The following EDEM1 variants were observed in gnomAD, a reference collection of about 807,000 sequenced individuals.
The protein encoded by EDEM1 is ER degradation-enhancing alpha-mannosidase-like protein 1.
EDEM1 carries 67 observed loss-of-function variants against 74.4 expected under a neutral mutation model. That is an observed-to-expected ratio of 0.90 (90% CI 0.74 to 1.10). The LOEUF is 1.10. EDEM1 is among the 50% of genes least tolerant of loss of function. The probability of loss-of-function intolerance (pLI) is 0.00; values close to 1 mark genes in which losing one functional copy is unlikely to be tolerated. For missense variants in EDEM1, 926 were observed against 851.6 expected (o/e 1.09, Z -1.09); for synonymous variants, 382 against 335.9 (o/e 1.14, Z -1.50).
In EDEM1 at chr3:5,187,930, G is replaced by C. The variant is rs931285966; in HGVS notation, c.125G>C (p.Gly42Ala). Residue 42 changes from glycine to alanine, a missense_variant, in exon 1 of 12, where the codon GGC (glycine) becomes GCC (alanine). By Grantham distance (60) the Gly-to-Ala change is moderately conservative (BLOSUM62 0). Transcript: ENST00000256497. ...GFYQRFPLSF[G>A]FQRLRSPDGP... ...TACCAGCGCTTTCCGCTCAGCTTCG[G>C]CTTCCAGCGTCTGAGGAGCCCCGAC... 5.7e-6 allele frequency: 9 copies of C among 1,589,364 alleles called. No homozygotes were observed. Among genetic ancestry groups the C allele is most frequent in the Admixed American group, 5.2e-5 (3 of 57,198 alleles).
chr3:5,197,985 G>A (rs1386344842), intron 2 of EDEM1, among the ~76,000 whole-genome samples: 2 of 152,172 alleles, frequency 1.3e-5, no homozygotes, highest in Non-Finnish European at 2.9e-5. Context: ...TGAAGTGCTG[G>A]GGGTGGGGTG....
intron 2 of EDEM1, among the ~76,000 whole-genome samples, chr3:5,197,060 C>T (rs1356500885): frequency 8.3e-6 from 1 of 119,800 alleles, no homozygotes; most frequent in Non-Finnish European, 1.7e-5. Flanking sequence ...TCCCGAGTAG[C>T]TGGCTTTTTT....
chr3:5,201,470 C>G (rs1299322691), intron 3 of EDEM1, among the ~76,000 whole-genome samples: 2 of 152,068 alleles, frequency 1.3e-5, no homozygotes, highest in Non-Finnish European at 2.9e-5. Flanking sequence ...TCTTAATGCC[C>G]TAAGATTTAG....
chr3:5,207,905 A>G lies in EDEM1; in HGVS notation c.1339-188A>G, dbSNP rs151009729. ...TGTGTGCAGCTCACATCAATTTGGCATTAGTGGCCAGATAGGGAGGGCATT... is the reference window on the plus strand; with the variant it reads ...TGTGTGCAGCTCACATCAATTTGGCGTTAGTGGCCAGATAGGGAGGGCATT... On this transcript the variant is annotated intron_variant, in intron 7 of 11. Coordinates refer to ENST00000256497, the MANE Select transcript of EDEM1 (RefSeq NM_014674.3). 3.6e-3 allele frequency among the ~76,000 whole-genome samples: 542 copies of G among 152,272 alleles called. 5 individuals carry two copies. Among genetic ancestry groups the G allele is most frequent in the Middle Eastern group, 0.024 (7 of 294 alleles).
intron 6 of EDEM1, 80 bp from the exon 7 acceptor site, chr3:5,207,073 A>G: frequency 6.4e-7 from 1 of 1,555,138 alleles, no homozygotes; most frequent in Non-Finnish European, 8.7e-7. Flanking sequence ...TTTAAATGAA[A>G]CTACCAGCAG....
chr3:5,195,561 A>G (rs959147551), intron 2 of EDEM1, among the ~76,000 whole-genome samples: 15 of 152,208 alleles, frequency 9.9e-5, no homozygotes, highest in African/African-American at 3.1e-4. Context: ...TTATTCCCTA[A>G]AAGAACCCAT....
chr3:5,209,490 C>T (rs1405915773), intron 8 of EDEM1, among the ~76,000 whole-genome samples: 2 of 152,306 alleles, frequency 1.3e-5, no homozygotes, highest in East Asian at 3.9e-4. Context: ...CGAAGCCACA[C>T]CCTGTGCACT....
At position 5,205,215 on chromosome 3, in the gene EDEM1, G is replaced by A. The variant is rs752321563; in HGVS notation, c.1191G>A (p.Gln397=). The A allele has an allele frequency of 2.5e-6, 4 of 1,614,102 alleles. No homozygotes were observed. Among genetic ancestry groups the A allele is most frequent in the Non-Finnish European group, 3.4e-6 (4 of 1,179,982 alleles). Residue 397 remains glutamine, a synonymous_variant, in exon 6 of 12, where the codon CAG becomes CAA. Coordinates refer to ENST00000256497, the MANE Select transcript of EDEM1 (RefSeq NM_014674.3). ...EDLEMFNAAY[Q]SIQNYLRRGR... is the part of the protein sequence containing the mutation. ...TAGAAATGTTTAATGCTGCATATCA[G>A]AGTATTCAGAACTACTTAAGAAGAG... is the stretch of plus-strand genomic sequence containing the variant.
intron 2 of EDEM1, among the ~76,000 whole-genome samples, chr3:5,197,004 C>T (rs1403694461): frequency 6.7e-6 from 1 of 148,940 alleles, no homozygotes; most frequent in Non-Finnish European, 1.5e-5. Flanking sequence ...TCTTGGCTCA[C>T]TTCAACCTTC....
intron 1 of EDEM1, among the ~76,000 whole-genome samples, chr3:5,192,639 A>G (rs1271906616): frequency 6.6e-6 from 1 of 152,236 alleles, no homozygotes; most frequent in Non-Finnish European, 1.5e-5. Context: ...TGACAAGAAT[A>G]TCTACAAAGA....
At position 5,210,842 on chromosome 3, in the gene EDEM1, G is replaced by A. The variant is rs180695019; in HGVS notation, c.1584-278G>A. On this transcript the variant is annotated intron_variant, in intron 9 of 11. Coordinates refer to ENST00000256497, the MANE Select transcript of EDEM1 (RefSeq NM_014674.3). ...AATTAGTCCTTTTACATTTGTTGCC[G>A]GTCATTTTCCTGGTGCCACGTTATG... Among the ~76,000 whole-genome samples the A allele has an allele frequency of 1.4e-3, 212 of 151,968 alleles. 1 individual carries two copies. The highest frequency in any genetic ancestry group is 4.9e-3 in the African/African-American group (205 of 41,436).
At chr3:5,214,737 C>T (rs938042622) in intron 11 of EDEM1, among the ~76,000 whole-genome samples, 1 of 152,132 alleles carries the variant, frequency 6.6e-6, no homozygotes. Flanking sequence ...AGGATTTGGA[C>T]CCAGGCAGTG....
chr3:5,218,071 A>T lies in EDEM1; in HGVS notation c.*2153A>T, dbSNP rs1395182039. The stretch of plus-strand genomic sequence containing the variant: ...TCCTTCCTCCTCATGCTCCTGGAAT[A>T]GGGAATAGGGATCTCATGCTTGCAA... On this transcript the variant is annotated 3_prime_UTR_variant, in exon 12 of 12. Transcript: ENST00000256497. 6.6e-6 allele frequency: 1 copy of T among 152,208 alleles called. No individual in the cohort carries two copies. Among genetic ancestry groups the T allele is most frequent in the Non-Finnish European group, 1.5e-5 (1 of 68,044 alleles). The allele number at this position is 152,208 out of a possible 1,614,324, so 9.4% of individuals were successfully genotyped here.
At chr3:5,211,642 ATGAG>A (rs1199374302) in intron 10 of EDEM1, among the ~76,000 whole-genome samples, 1,651 of 144,508 alleles carry the variant, frequency 0.011, 32 homozygotes, top group African/African-American at 0.04. Context: ...CCTCAGGCAC[ATGAG>A]TGAGTGAGTG....
At position 5,207,215 on chromosome 3, in the gene EDEM1, G is replaced by A; in HGVS notation, c.1280G>A (p.Ser427Asn). The A allele has an allele frequency of 6.2e-7, 1 of 1,614,216 alleles. No homozygotes were observed. Among genetic ancestry groups the A allele is most frequent in the Non-Finnish European group, 8.5e-7 (1 of 1,180,034 alleles). Residue 427 changes from serine (S) to asparagine (N), a missense_variant, in exon 7 of 12, where the codon AGT becomes AAT. By Grantham distance (46) the Ser-to-Asn change is conservative (BLOSUM62 1). Coordinates refer to ENST00000256497, the MANE Select transcript of EDEM1 (RefSeq NM_014674.3). The stretch of plus-strand genomic sequence containing the variant: ...CTCTATGTCAACGTGAACATGTTCA[G>A]TGGGCAGCTGATGAACACCTGGATT... ...PPLYVNVNMF[S>N]GQLMNTWIDS...
At position 5,218,821 on chromosome 3, in the gene EDEM1, C is replaced by G. The variant is rs11925436; in HGVS notation, c.*2903C>G. On this transcript the variant is annotated 3_prime_UTR_variant, in exon 12 of 12. Transcript: ENST00000256497. ...TGCACTGGCCATTGTGAAAAACCAGCTTCTGTATTCAAATCTTTCCTTCAT... is the reference window on the plus strand; with the variant it reads ...TGCACTGGCCATTGTGAAAAACCAGGTTCTGTATTCAAATCTTTCCTTCAT... The G allele has an allele frequency of 1.3e-5, 2 of 152,118 alleles. No individual in the cohort carries two copies. Among genetic ancestry groups the G allele is most frequent in the African/African-American group, 4.8e-5 (2 of 41,444 alleles). The allele number at this position is 152,118 out of a possible 1,614,324, so 9.4% of individuals were successfully genotyped here. A position where few individuals can be genotyped will look rare whatever the true frequency, so the allele number is the denominator to read the frequency against.
intron 1 of EDEM1, among the ~76,000 whole-genome samples, chr3:5,194,394 A>G (rs1050134773): frequency 1.3e-5 from 2 of 152,186 alleles, no homozygotes; most frequent in African/African-American, 2.4e-5. Context: ...CTTCATCCCT[A>G]TTCTCCCAGA....
intron 1 of EDEM1, among the ~76,000 whole-genome samples, chr3:5,192,277 A>G (rs1041206101): frequency 3.3e-5 from 5 of 152,178 alleles, no homozygotes; most frequent in African/African-American, 1.2e-4. Context: ...CAGATTATCA[A>G]TCCCTTGAAC....
chr3:5,205,942 A>G (rs1287077016), intron 6 of EDEM1, among the ~76,000 whole-genome samples: 1 of 152,162 alleles, frequency 6.6e-6, no homozygotes, highest in Non-Finnish European at 1.5e-5. Context: ...ACAGGGGCTG[A>G]CACATCCCAG....
Sources: allele counts gnomAD v4.1 joint callset (sites outside exome capture counted in the v4.1 genomes callset), GRCh38; gene constraint gnomAD v4.1.1; transcripts MANE v1.5; gene names NCBI Gene and HGNC (gene_info 2026-07-23, HGNC 2026-07-21).